FLT4: variants seen among roughly 807,000 people sequenced by gnomAD.
FLT4 encodes vascular endothelial growth factor receptor 3.
FLT4 carries 30 observed loss-of-function variants against 163.2 expected under a neutral mutation model. The observed-to-expected ratio is 0.18, with a 90% confidence interval of 0.14 to 0.25. The LOEUF (loss-of-function observed/expected upper bound fraction) is 0.25, where lower values mean the gene tolerates loss of function less well. Ranked by LOEUF, FLT4 falls within the 10% of genes least tolerant of loss-of-function variation. The pLI, the probability that FLT4 is intolerant of heterozygous loss-of-function variation, is 1.00. For synonymous variants in FLT4, 884 were observed against 789.5 expected (o/e 1.12, Z -2.01); for missense variants, 1,510 against 1,863.8 (o/e 0.81, Z 3.50).
chr5:180,612,692 C>T (rs1762310872), intron 25 of FLT4, 81 bp from the exon 26 acceptor site: 2 of 955,880 alleles, frequency 2.1e-6, no homozygotes, highest in Non-Finnish European at 3.4e-6. Flanking sequence ...TTCCTGGGCC[C>T]TCTCACCCAC....
chr5:180,626,991 G>A (rs776476106), intron 8 of FLT4, among the ~76,000 whole-genome samples: 1 of 152,204 alleles, frequency 6.6e-6, no homozygotes, highest in Non-Finnish European at 1.5e-5. Context: ...TCGTCCCCCT[G>A]GGCTGGGAGC....
intron 26 of FLT4, 124 bp from the exon 27 acceptor site, chr5:180,611,603 C>T (rs955862360): frequency 1.7e-5 from 18 of 1,068,952 alleles, no homozygotes; most frequent in Admixed American, 1.0e-4. Flanking sequence ...CTCGCCCCCG[C>T]ACTCAGCTCT....
At chr5:180,606,738 G>A (rs307834) in intron 29 of FLT4, among the ~76,000 whole-genome samples, 140,746 of 152,146 alleles carry the variant, frequency 0.93, 65,833 homozygotes, top group Non-Finnish European at 1. Context: ...GACCACCATT[G>A]ATTTTCCAAA....
intron 29 of FLT4, 129 bp downstream of exon 29, chr5:180,608,839 C>T (rs997830060): frequency 4.5e-5 from 36 of 807,762 alleles, no homozygotes; most frequent in Admixed American, 2.2e-4. Context: ...ACCTTGAACG[C>T]GCGAAAAGGC....
At chr5:180,645,125 G>A (rs1324668730) in intron 1 of FLT4, among the ~76,000 whole-genome samples, 1 of 152,250 alleles carries the variant, frequency 6.6e-6, no homozygotes, top group African/African-American at 2.4e-5. Context: ...CTTATCTTGT[G>A]GGTGAGTTGG....
In FLT4 at chr5:180,621,849, G is replaced by A. The variant is rs959112829; in HGVS notation, c.1713C>T (p.Gly571=). ...ESKPSEELLE[G]QPVLLSCQAD... is the part of the protein sequence containing the mutation. ...CTTGGCAGCTCAGGAGCACCGGCTG[G>A]CCCTCTAGTAGCTCCTCGGATGGCT... The change falls in exon 13 of 30, where the codon GGC becomes GGT. Residue 571 remains glycine, a synonymous_variant. Coordinates refer to ENST00000261937, the MANE Select transcript of FLT4 (RefSeq NM_182925.5). 2 of 1,613,412 alleles carry A rather than the reference G, an allele frequency of 1.2e-6. No homozygotes were observed. Among genetic ancestry groups the A allele is most frequent in the Non-Finnish European group, 8.5e-7 (1 of 1,179,982 alleles).
At chr5:180,631,243 GT>G (rs1380189166) in intron 2 of FLT4, among the ~76,000 whole-genome samples, 22 of 152,034 alleles carry the variant, frequency 1.4e-4, no homozygotes, top group African/African-American at 4.8e-4. Context: ...GGAGGCTGAG[GT>G]GGGTGGGTTA....
rs769731843 is a variant in FLT4 at position 180,629,255 on chromosome 5, A to C, written c.985+4T>G. 6.2e-7 allele frequency: 1 copy of C among 1,612,898 alleles called. No homozygotes were observed. The highest frequency in any genetic ancestry group is 8.5e-7 in the Non-Finnish European group (1 of 1,179,982). ...CACAAGGACCCTGGTTTCCCAGGCCATACCATGCACAATGACCTCGGTGCT... is the reference window on the plus strand; with the variant it reads ...CACAAGGACCCTGGTTTCCCAGGCCCTACCATGCACAATGACCTCGGTGCT... On this transcript the variant is annotated splice_donor_region_variant and intron_variant, in intron 7 of 29. Transcript: ENST00000261937.
rs1390120132 is a variant in FLT4 at position 180,603,384 on chromosome 5, T to C, written c.3900A>G (p.Lys1300=). ...TCACAGCCACATTCTGGCCAGGTCC[T>C]TTACAGCTGCCAAGACAGGGAAGGT... ...RHRQESGFSC[K]GPGQNVAVTR... Residue 1300 remains lysine (K), a synonymous_variant, in exon 30 of 30, where the codon AAA becomes AAG. Transcript: ENST00000261937. The C allele has an allele frequency of 6.2e-7, 1 of 1,613,720 alleles. No homozygotes were observed. The highest frequency in any genetic ancestry group is 8.5e-7 in the Non-Finnish European group (1 of 1,179,894).
intron 7 of FLT4, 76 bp downstream of exon 7, chr5:180,629,183 C>T (rs1763887256): frequency 1.3e-6 from 2 of 1,580,282 alleles, no homozygotes; most frequent in African/African-American, 1.3e-5. Flanking sequence ...TGGCTGGACT[C>T]CTGAGTGCTC....
At chr5:180,624,122 G>A in intron 10 of FLT4, 61 bp from the exon 11 acceptor site, 1 of 1,596,396 alleles carries the variant, frequency 6.3e-7, no homozygotes, top group Non-Finnish European at 8.5e-7. Context: ...GCCCACATGG[G>A]GGGCGGGGTC....
intron 29 of FLT4, among the ~76,000 whole-genome samples, chr5:180,605,483 C>T (rs1239464671): frequency 1.3e-5 from 2 of 152,132 alleles, no homozygotes; most frequent in Admixed American, 6.6e-5. Context: ...CTAATACTGT[C>T]TTATTCCTAT....
rs181313050 is a variant in FLT4 at position 180,629,565 on chromosome 5, A to G, written c.816+131T>C. The G allele has an allele frequency of 3.5e-6, 5 of 1,446,676 alleles. No individual in the cohort carries two copies. In the East Asian group the frequency reaches 1.2e-4, roughly 35 times the overall value. The allele number at this position is 1,446,676 out of a possible 1,614,324, so 89.6% of individuals were successfully genotyped here. A position where few individuals can be genotyped will look rare whatever the true frequency, so the allele number is the denominator to read the frequency against. The stretch of plus-strand genomic sequence containing the variant: ...GCCCTGAGTTTTCTTTGGGTGGAAC[A>G]CTTGCCACTCAGACCGGGGCCCCTG... On this transcript the variant is annotated intron_variant, in intron 6 of 29. Coordinates refer to ENST00000261937, the MANE Select transcript of FLT4 (RefSeq NM_182925.5).
chr5:180,612,993 G>C lies in FLT4; in HGVS notation c.3431+18C>G. ...CGCTTGCTGTCCCCAAAACCTGCAG[G>C]GCCATGGGGAGGCTCACATGGCGGG... On this transcript the variant is annotated intron_variant, in intron 25 of 29. Coordinates refer to ENST00000261937, the MANE Select transcript of FLT4 (RefSeq NM_182925.5). The C allele has an allele frequency of 6.3e-7, 1 of 1,589,980 alleles. No homozygotes were observed. The highest frequency in any genetic ancestry group is 8.6e-7 in the Non-Finnish European group (1 of 1,160,504).
intron 6 of FLT4, 119 bp downstream of exon 6, chr5:180,629,577 G>T (rs1763925415): frequency 6.8e-7 from 1 of 1,462,928 alleles, no homozygotes; most frequent in Non-Finnish European, 9.3e-7. Context: ...TTGCCACTCA[G>T]ACCGGGGCCC....
chr5:180,611,842 A>G (rs1265023454), intron 26 of FLT4: 1 of 368,478 alleles, frequency 2.7e-6, no homozygotes, highest in Non-Finnish European at 5.2e-6. Context: ...CAGCCCTTCC[A>G]GGTACATTTA....
intron 29 of FLT4, among the ~76,000 whole-genome samples, chr5:180,604,661 T>C (rs1761695480): frequency 6.6e-6 from 1 of 152,216 alleles, no homozygotes; most frequent in Non-Finnish European, 1.5e-5. Flanking sequence ...TGCACCATCC[T>C]CAAGCGCTCA....
chr5:180,639,379 G>GTGGACGGA (rs1554118676), intron 1 of FLT4, among the ~76,000 whole-genome samples: 16 of 142,494 alleles, frequency 1.1e-4, no homozygotes, highest in Middle Eastern at 7.1e-3. Context: ...GAGTGGATGG[G>GTGGACGGA]TGGATGGATG....
intron 29 of FLT4, 128 bp downstream of exon 29, chr5:180,608,840 G>T: frequency 1.2e-6 from 1 of 817,820 alleles, no homozygotes; most frequent in Non-Finnish European, 2.1e-6. Context: ...CCTTGAACGC[G>T]CGAAAAGGCC....
Sources: gnomAD v4.1 joint callset for allele counts (sites outside exome capture counted in the v4.1 genomes callset) on GRCh38, gnomAD v4.1.1 for gene constraint, MANE v1.5 for transcripts, NCBI Gene and HGNC (gene_info 2026-07-23, HGNC 2026-07-21) for gene names.